Variants in ERC1 observed in about 807,000 individuals in gnomAD.
ERC1 encodes the protein ELKS/RAB6-interacting/CAST family member 1.
In ERC1, 56 loss-of-function variants were observed where a neutral mutation model predicts 132.0. The ratio of observed to expected loss-of-function variants is 0.42; its 90% CI spans 0.34 to 0.53. The LOEUF (loss-of-function observed/expected upper bound fraction) is 0.53, where lower values mean the gene tolerates loss of function less well. ERC1 is among the 20% of genes least tolerant of loss of function. The pLI, the probability that ERC1 is intolerant of heterozygous loss-of-function variation, is 0.03. For synonymous variants in ERC1, 478 were observed against 476.1 expected (o/e 1.00, Z -0.05); for missense variants, 1,202 against 1,349.9 (o/e 0.89, Z 1.72).
At chr12:1,282,542 T>A (rs2078751848) in intron 14 of ERC1, among the ~76,000 whole-genome samples, 1 of 152,162 alleles carries the variant, frequency 6.6e-6, no homozygotes, top group Non-Finnish European at 1.5e-5. Flanking sequence ...AAAGAACGTA[T>A]TGGAAAAAAG....
chr12:1,196,919 C>CT lies in ERC1; in HGVS notation c.2351+6867_2351+6868insT, dbSNP rs1956339171. ...CTCTGTCTCTCTACACACACACACA[C>CT]ACACACACACACACACACACACACA... On this transcript the variant is annotated intron_variant, in intron 12 of 18. Coordinates refer to ENST00000360905, the MANE Select transcript of ERC1 (RefSeq NM_178040.4). Among the ~76,000 whole-genome samples, 5 of 27,924 alleles carry CT rather than the reference C, an allele frequency of 1.8e-4. No homozygotes were observed. The African/African-American group carries it at 2.1e-3, about 11-fold the overall frequency. 18.3% of individuals were successfully genotyped at this position (27,924 alleles called of 152,430 possible).
At chr12:1,198,207 G>A (rs1322530893) in intron 12 of ERC1, among the ~76,000 whole-genome samples, 3 of 152,124 alleles carry the variant, frequency 2.0e-5, no homozygotes, top group Non-Finnish European at 4.4e-5. Flanking sequence ...CGATTACAGA[G>A]GTGAGCCACT....
intron 8 of ERC1, among the ~76,000 whole-genome samples, chr12:1,143,339 T>TGTGC (rs2154249918): frequency 8.6e-6 from 1 of 115,724 alleles, no homozygotes; most frequent in South Asian, 2.5e-4. Flanking sequence ...CGTGTGTGTG[T>TGTGC]GTGTGTGTGT....
At chr12:1,465,137 TGTCATCGCCA>T (rs1268953386) in intron 18 of ERC1, among the ~76,000 whole-genome samples, 1 of 152,118 alleles carries the variant, frequency 6.6e-6, no homozygotes, top group Non-Finnish European at 1.5e-5. Context: ...AACGCGGGTC[TGTCATCGCCA>T]GTGTCATCTT....
intron 13 of ERC1, 128 bp from the exon 14 acceptor site, chr12:1,262,906 A>G (rs2077232995): frequency 2.3e-6 from 2 of 855,440 alleles, no homozygotes; most frequent in African/African-American, 1.7e-5. Flanking sequence ...CTGTGACGAT[A>G]TCTTGTTGAC....
rs147316208 is a variant in ERC1 at position 1,232,792 on chromosome 12, T to C, written c.2352-3977T>C. Among the ~76,000 whole-genome samples, 218 of 152,280 alleles carry C rather than the reference T, an allele frequency of 1.4e-3. 3 individuals are homozygous for C. Among genetic ancestry groups the C allele is most frequent in the African/African-American group, 4.9e-3 (203 of 41,572 alleles). On this transcript the variant is annotated intron_variant, in intron 12 of 18. Transcript: ENST00000360905. ...TTTAGGATGATTATCTTTAATGCCA[T>C]CAGTCATTTCATGTATCTCCATTCC...
chr12:1,004,401 C>CTTTTTTTT (rs71055118), intron 1 of ERC1, among the ~76,000 whole-genome samples: 21 of 95,032 alleles, frequency 2.2e-4, no homozygotes, highest in Non-Finnish European at 3.0e-4. Context: ...TTTTCTTTCT[C>CTTTTTTTT]TTTTTTTTTT....
At chr12:1,299,752 T>C (rs1321367640) in intron 15 of ERC1, among the ~76,000 whole-genome samples, 1 of 151,900 alleles carries the variant, frequency 6.6e-6, no homozygotes, top group Non-Finnish European at 1.5e-5. Context: ...ACCAAATGGA[T>C]CAAGGGAAAC....
At chr12:1,401,784 C>T (rs2091090007) in intron 16 of ERC1, among the ~76,000 whole-genome samples, 1 of 148,538 alleles carries the variant, frequency 6.7e-6, no homozygotes, top group Non-Finnish European at 1.5e-5. Context: ...TTTAAAAGTA[C>T]ACGTAGATTT....
chr12:1,452,252 G>T (rs1592148611), intron 18 of ERC1, among the ~76,000 whole-genome samples: 1 of 151,910 alleles, frequency 6.6e-6, no homozygotes, highest in African/African-American at 2.4e-5. Context: ...CTTTTGGCTT[G>T]TATAGTTTCT....
chr12:1,395,487 A>G (rs1157607215), intron 16 of ERC1, among the ~76,000 whole-genome samples: 1 of 151,806 alleles, frequency 6.6e-6, no homozygotes, highest in Non-Finnish European at 1.5e-5. Flanking sequence ...GAGAAAATAT[A>G]GGCTGCTCTT....
intron 14 of ERC1, 38 bp from the exon 15 acceptor site, chr12:1,289,814 A>G (rs2079311565): frequency 6.3e-7 from 1 of 1,586,314 alleles, no homozygotes; most frequent in Non-Finnish European, 8.6e-7. Flanking sequence ...CTGATTGATC[A>G]AGACACTCTG....
At chr12:1,212,885 C>T (rs978440598) in intron 12 of ERC1, among the ~76,000 whole-genome samples, 29 of 152,256 alleles carry the variant, frequency 1.9e-4, no homozygotes, top group African/African-American at 6.5e-4. Flanking sequence ...AAAATTGTAT[C>T]CTCAGTGTTT....
At chr12:1,073,556 C>T (rs1043833326) in intron 2 of ERC1, among the ~76,000 whole-genome samples, 1 of 148,694 alleles carries the variant, frequency 6.7e-6, no homozygotes, top group Non-Finnish European at 1.5e-5. Flanking sequence ...GGCTGAGGCA[C>T]GAGAATGGCT....
chr12:1,008,658 T>A (rs1437811351), intron 1 of ERC1, among the ~76,000 whole-genome samples: 5 of 152,208 alleles, frequency 3.3e-5, no homozygotes, highest in African/African-American at 1.2e-4. Context: ...ATTTTTTTGT[T>A]CTTTCGTTAT....
intron 12 of ERC1, among the ~76,000 whole-genome samples, chr12:1,216,602 C>CGGGGAGGAGGGATGGGGGGCG (rs1555310931): frequency 3.4e-4 from 3 of 8,942 alleles, no homozygotes; most frequent in Admixed American, 1.8e-3. Context: ...TTGGTGGGGT[C>CGGGGAGGAGGGATGGGGGGCG]GGGGAGGAGG....
intron 3 of ERC1, among the ~76,000 whole-genome samples, chr12:1,093,598 T>C (rs1032219302): frequency 1.3e-5 from 2 of 152,230 alleles, no homozygotes; most frequent in African/African-American, 4.8e-5. Flanking sequence ...GGTATGCTAT[T>C]GTGATTAATA....
chr12:1,073,347 T>C (rs190380901), intron 2 of ERC1, among the ~76,000 whole-genome samples: 1 of 151,758 alleles, frequency 6.6e-6, no homozygotes, highest in African/African-American at 2.4e-5. Context: ...GTGGAAAATA[T>C]ACACAAGATA....
In ERC1 at chr12:1,464,511, C is replaced by CTTTT. The variant is rs34542821; in HGVS notation, c.3213+19784_3213+19787dup. On this transcript the variant is annotated intron_variant, in intron 18 of 18. Coordinates refer to ENST00000360905, the MANE Select transcript of ERC1 (RefSeq NM_178040.4). ...GCTTTGCAGCAAAGAATGCAAAAGCCTTTTTTTTTTTTTTTTTTTTTTTTT... is the reference window on the plus strand; with the variant it reads ...GCTTTGCAGCAAAGAATGCAAAAGCCTTTTTTTTTTTTTTTTTTTTTTTTTTTTT... Among the ~76,000 whole-genome samples the CTTTT allele has an allele frequency of 2.3e-3, 152 of 67,448 alleles. 4 individuals are homozygous for CTTTT. Among genetic ancestry groups the CTTTT allele is most frequent in the African/African-American group, 5.8e-3 (105 of 17,974 alleles). 44.2% of individuals were successfully genotyped at this position (67,448 alleles called of 152,430 possible).
Sources: allele counts gnomAD v4.1 joint callset (sites outside exome capture counted in the v4.1 genomes callset), GRCh38; gene constraint gnomAD v4.1.1; transcripts MANE v1.5; gene names NCBI Gene and HGNC (gene_info 2026-07-23, HGNC 2026-07-21).